ZNF35: variants seen among roughly 807,000 people sequenced by gnomAD.
The protein encoded by ZNF35 is zinc finger protein 35 (clone HF.10).
Under a neutral mutation model 45.9 loss-of-function variants are expected in ZNF35, and 31 were observed. The observed-to-expected ratio is 0.68, with a 90% CI of 0.51 to 0.91. The LOEUF (loss-of-function observed/expected upper bound fraction) is 0.91. Among genes scored for constraint, ZNF35 ranks in the 40% least tolerant of loss-of-function variants. The probability of loss-of-function intolerance (pLI) is 0.00; values close to 1 mark genes in which losing one functional copy is unlikely to be tolerated. For missense variants in ZNF35, 515 were observed against 625.4 expected, an observed-to-expected ratio of 0.82 and a Z score of 1.88; for synonymous variants, 205 against 220.2, an observed-to-expected ratio of 0.93 and a Z score of 0.61.
At chr3:44,657,523 G>C (rs1703330990) in intron 3 of ZNF35, among the ~76,000 whole-genome samples, 1 of 152,178 alleles carries the variant, frequency 6.6e-6, no homozygotes, top group Admixed American at 6.5e-5. Context: ...CAAACATAAA[G>C]AACTATGATG....
At chr3:44,653,931 C>G (rs1156550125) in intron 3 of ZNF35, among the ~76,000 whole-genome samples, 1 of 152,184 alleles carries the variant, frequency 6.6e-6, no homozygotes, top group Non-Finnish European at 1.5e-5. Context: ...CCTCAGGCAT[C>G]TGGGGACCAA....
chr3:44,652,346 G>T (rs1703219827), intron 2 of ZNF35, among the ~76,000 whole-genome samples: 1 of 152,122 alleles, frequency 6.6e-6, no homozygotes, highest in African/African-American at 2.4e-5. Context: ...GAGCAGTGAG[G>T]TGCAATCAAA....
chr3:44,649,418 A>G (rs977099469), intron 1 of ZNF35, among the ~76,000 whole-genome samples: 1 of 152,236 alleles, frequency 6.6e-6, no homozygotes, highest in Non-Finnish European at 1.5e-5. Context: ...GAGTATGATC[A>G]CTTCAATAGC....
Position 44,660,011 on chromosome 3 carries a change from T to C in ZNF35, c.*64T>C. ...CCTTCTGCCTCCCTAATGAGACACC[T>C]CTTTGCTGTTTTCTTCCTCCTCTAT... is the stretch of plus-strand genomic sequence containing the variant. On this transcript the variant is annotated 3_prime_UTR_variant, in exon 4 of 4. Transcript: ENST00000396056. The C allele has an allele frequency of 6.8e-7, 1 of 1,462,594 alleles. No individual in the cohort carries two copies. Among genetic ancestry groups the C allele is most frequent in the Non-Finnish European group, 9.1e-7 (1 of 1,098,044 alleles). The allele number at this position is 1,462,594 out of a possible 1,614,324, so 90.6% of individuals were successfully genotyped here.
chr3:44,648,089 A>G (rs1297187696), upstream of ZNF35: 1 of 152,204 alleles, frequency 6.6e-6, no homozygotes, highest in Non-Finnish European at 1.5e-5. Context: ...CCCAAAACTA[A>G]AGAGCTGTAA....
intron 3 of ZNF35, among the ~76,000 whole-genome samples, chr3:44,655,695 A>T (rs1368458406): frequency 6.6e-6 from 1 of 152,246 alleles, no homozygotes; most frequent in Admixed American, 6.5e-5. Context: ...CTCTTTTCTT[A>T]GGCACTTGCC....
chr3:44,651,066 A>T lies in ZNF35; in HGVS notation c.-2A>T, dbSNP rs755896638. On this transcript the variant is annotated 5_prime_UTR_variant, in exon 2 of 4. In the 5' UTR this introduces an upstream ATG that the reference lacks. Coordinates refer to ENST00000396056, the MANE Select transcript of ZNF35 (RefSeq NM_003420.4). ...TAGGAGTTCCCCTGCTGAGCAGAGA[A>T]GATGACTGCAGAATTGAGAGAAGCC... 4 of 1,612,972 alleles carry T rather than the reference A, an allele frequency of 2.5e-6. No individual in the cohort carries two copies. In the South Asian group the frequency reaches 3.3e-5, roughly 13 times the overall value.
chr3:44,649,791 C>A (rs965630028), intron 1 of ZNF35, among the ~76,000 whole-genome samples: 2 of 151,788 alleles, frequency 1.3e-5, no homozygotes, highest in Non-Finnish European at 2.9e-5. Context: ...ATAAATGGTT[C>A]ATAAATAGAA....
At position 44,659,289 on chromosome 3, in the gene ZNF35, A is replaced by G; in HGVS notation, c.926A>G (p.Asn309Ser). ...IHSLEKTFKC[N>S]ECEKAFSYSS... The stretch of plus-strand genomic sequence containing the variant: ...TCCTTAGAAAAAACTTTTAAGTGCA[A>G]TGAATGTGAGAAAGCCTTTAGTTAC... The change falls in exon 4 of 4, where the codon AAT becomes AGT. Residue 309 changes from asparagine (N) to serine (S), a missense_variant. Around this residue, in one of 3 missense-constraint regions of ZNF35, gnomAD observed 232 missense variants for 304.6 expected, o/e 0.76. Coordinates refer to ENST00000396056, the MANE Select transcript of ZNF35 (RefSeq NM_003420.4). This position sits in a 1 kb window ranked among gnomAD's most constrained non-coding sequence, Gnocchi z 4.3. 1.2e-6 allele frequency: 2 copies of G among 1,614,056 alleles called. No homozygotes were observed. The highest frequency in any genetic ancestry group is 1.1e-5 in the South Asian group (1 of 91,022).
Position 44,652,707 on chromosome 3 carries a change from G to A in ZNF35, c.337+6G>A. ...TGGGACCATGAACTTTCTAGGTATG[G>A]TTCAGTTCCCTGATTCTGAATCTGA... On this transcript the variant is annotated splice_donor_region_variant and intron_variant, in intron 3 of 3. Coordinates refer to ENST00000396056, the MANE Select transcript of ZNF35 (RefSeq NM_003420.4). The A allele has an allele frequency of 6.4e-7, 1 of 1,554,646 alleles. No individual in the cohort carries two copies. The highest frequency in any genetic ancestry group is 1.2e-5 in the South Asian group (1 of 81,264).
At chr3:44,653,181 G>T (rs1406226107) in intron 3 of ZNF35, among the ~76,000 whole-genome samples, 21 of 152,118 alleles carry the variant, frequency 1.4e-4, no homozygotes, top group Admixed American at 1.4e-3. Flanking sequence ...CCACCTGGCA[G>T]CCTTAATTTA....
chr3:44,650,864 TGTGGCATCCGGCAAATTTGCTAA>T (rs1703189545), intron 1 of ZNF35, 54 bp from the exon 2 acceptor site: 1 of 506,958 alleles, frequency 2.0e-6, no homozygotes, highest in African/African-American at 1.9e-5. Flanking sequence ...AATTTGCCGG[TGTGGCATCCGGCAAATTTGCTAA>T]GTGGCATCCA....
In ZNF35 at chr3:44,660,102, C is replaced by A; in HGVS notation, c.*155C>A. 2.6e-6 allele frequency: 2 copies of A among 769,582 alleles called. No homozygotes were observed. The highest frequency in any genetic ancestry group is 3.8e-6 in the Non-Finnish European group (2 of 523,946). The allele number at this position is 769,582 out of a possible 1,614,324, so 47.7% of individuals were successfully genotyped here. ...AATGCAGCAGAAGACACAAGAAAAGCATTTCAGAGGCTAATTTAAAACAAA... is the reference window on the plus strand; with the variant it reads ...AATGCAGCAGAAGACACAAGAAAAGAATTTCAGAGGCTAATTTAAAACAAA... On this transcript the variant is annotated 3_prime_UTR_variant, in exon 4 of 4. Transcript: ENST00000396056.
upstream of ZNF35, chr3:44,648,476 G>T (rs1225102789): frequency 6.6e-6 from 1 of 152,066 alleles, no homozygotes; most frequent in East Asian, 1.9e-4. Flanking sequence ...AAATTATCAG[G>T]GCTTTCTACA....
At chr3:44,647,559 T>C (rs1703029428), upstream of ZNF35, 1 of 152,192 alleles carries the variant, frequency 6.6e-6, no homozygotes, top group Non-Finnish European at 1.5e-5. Flanking sequence ...CATATATCCT[T>C]CCTTAGGTGG....
intron 3 of ZNF35, among the ~76,000 whole-genome samples, chr3:44,654,914 A>G (rs1346266793): frequency 3.3e-5 from 5 of 152,104 alleles, no homozygotes; most frequent in Non-Finnish European, 7.4e-5. Context: ...CGGGTGAATC[A>G]CCTGATATCA....
chr3:44,647,952 A>T (rs545428450), upstream of ZNF35: 2 of 152,292 alleles, frequency 1.3e-5, no homozygotes, highest in African/African-American at 4.8e-5. Flanking sequence ...ACCAATGTTG[A>T]TTTCCTTTTT....
At chr3:44,649,984 TAAGC>T (rs1490544374) in intron 1 of ZNF35, among the ~76,000 whole-genome samples, 4 of 151,978 alleles carry the variant, frequency 2.6e-5, no homozygotes, top group African/African-American at 9.7e-5. Flanking sequence ...TTTTGAAAAA[TAAGC>T]AATATGTGTG....
upstream of ZNF35, chr3:44,646,605 T>G (rs528395156): frequency 4.8e-5 from 40 of 839,816 alleles, no homozygotes; most frequent in Middle Eastern, 2.2e-4. Context: ...AAAATATTAT[T>G]ATGATGAAAA....
Sources: allele counts gnomAD v4.1 joint callset (sites outside exome capture counted in the v4.1 genomes callset), GRCh38; gene constraint gnomAD v4.1.1; regional missense constraint gnomAD v4.1.1; non-coding constraint Gnocchi (gnomAD v3.1); transcripts MANE v1.5; gene names NCBI Gene and HGNC (gene_info 2026-07-23, HGNC 2026-07-21).